The following MAP3K5 variants were observed in gnomAD, a reference collection of about 807,000 sequenced individuals.
MAP3K5 encodes ASK-1.
A neutral mutation model predicts 158.7 loss-of-function variants in MAP3K5; 56 were observed. The observed-to-expected ratio is 0.35, with a 90% CI of 0.28 to 0.44. The LOEUF (loss-of-function observed/expected upper bound fraction) is 0.44. MAP3K5 is among the 20% of genes least tolerant of loss of function. MAP3K5 has a pLI of 1.00. For missense variants in MAP3K5, 1,294 were observed against 1,674.8 expected (o/e 0.77, Z 3.97); for synonymous variants, 579 against 601.7 (o/e 0.96, Z 0.55).
rs780194686 is a variant in MAP3K5 at position 136,720,467 on chromosome 6, A to C, written c.571T>G (p.Ser191Ala). ...GGAGGTACCTTCAGTGACTGCAGAG[A>C]GTCCGAGTTAGTATCACAGTAGAGG... ...IILYCDTNSD[S>A]LQSLKEIICQ... Residue 191 changes from serine (S) to alanine (A), a missense_variant, in exon 2 of 30, where the codon TCT becomes GCT. By Grantham distance (99) the Ser-to-Ala change is moderately conservative. Transcript: ENST00000359015. 12 of 1,607,420 alleles carry C rather than the reference A, an allele frequency of 7.5e-6. No homozygotes were observed.
intron 7 of MAP3K5, among the ~76,000 whole-genome samples, chr6:136,679,473 C>T (rs1030318089): frequency 2.0e-5 from 3 of 151,990 alleles, no homozygotes; most frequent in Admixed American, 1.3e-4. Flanking sequence ...GAAATTAACA[C>T]TCATAAAATA....
At chr6:136,705,273 T>C (rs1207133144) in intron 2 of MAP3K5, 140 bp from the exon 3 acceptor site, 2 of 450,910 alleles carry the variant, frequency 4.4e-6, no homozygotes, top group Non-Finnish European at 7.9e-6. Flanking sequence ...ATTCAGTTCC[T>C]GCATCTGAAA....
chr6:136,689,211 G>A (rs901452573), intron 7 of MAP3K5, among the ~76,000 whole-genome samples: 1 of 152,182 alleles, frequency 6.6e-6, no homozygotes, highest in African/African-American at 2.4e-5. Flanking sequence ...GAGGCAGGAG[G>A]ACTGCCTGAG....
At chr6:136,644,890 C>G (rs563965741) in intron 11 of MAP3K5, among the ~76,000 whole-genome samples, 3 of 152,112 alleles carry the variant, frequency 2.0e-5, no homozygotes, top group Non-Finnish European at 4.4e-5. Flanking sequence ...ACCAAGAGTA[C>G]GCAGAGAAGC....
rs570144464 is a variant in MAP3K5 at position 136,588,240 on chromosome 6, C to T, written c.3225+3933G>A. On this transcript the variant is annotated intron_variant, in intron 23 of 29. Transcript: ENST00000359015. ...GTCACCATCGGGCCTACCAGCGAGG[C>T]AGAGCAATGTGGTGGTTAAAGCAAA... Among the ~76,000 whole-genome samples the T allele has an allele frequency of 4.6e-5, 7 of 152,284 alleles. No homozygotes were observed. In the South Asian group the frequency reaches 1.2e-3, roughly 27 times the overall value.
chr6:136,684,525 T>C (rs1780063666), intron 7 of MAP3K5, among the ~76,000 whole-genome samples: 2 of 152,154 alleles, frequency 1.3e-5, no homozygotes, highest in South Asian at 4.1e-4. Flanking sequence ...TAAGGCATGG[T>C]GATTTGTCCC....
intron 1 of MAP3K5, 51 bp from the exon 2 acceptor site, chr6:136,720,640 A>C: frequency 7.0e-7 from 1 of 1,428,618 alleles, no homozygotes; most frequent in Non-Finnish European, 9.5e-7. Flanking sequence ...AATAATGCCC[A>C]ATCAGCACAT....
intron 1 of MAP3K5, among the ~76,000 whole-genome samples, chr6:136,770,026 A>G (rs1396988405): frequency 2.0e-5 from 3 of 152,184 alleles, no homozygotes. Flanking sequence ...AGTGACTAAA[A>G]GACTGCTACT....
intron 1 of MAP3K5, among the ~76,000 whole-genome samples, chr6:136,789,143 T>C (rs918548144): frequency 5.3e-5 from 8 of 151,804 alleles, no homozygotes; most frequent in Admixed American, 3.9e-4. Flanking sequence ...AAAAAAAACA[T>C]AGTAAAATAA....
rs73554160 is a variant in MAP3K5, at chr6:136,557,053, G to T, written c.*705C>A. 5.9e-5 allele frequency: 9 copies of T among 152,196 alleles called. No homozygotes were observed. The highest frequency in any genetic ancestry group is 2.2e-4 in the African/African-American group (9 of 41,524). 9.4% of individuals were successfully genotyped at this position (152,196 alleles called of 1,614,324 possible). A position where few individuals can be genotyped will look rare whatever the true frequency, so the allele number is the denominator to read the frequency against. On this transcript the variant is annotated 3_prime_UTR_variant, in exon 30 of 30. Coordinates refer to ENST00000359015, the MANE Select transcript of MAP3K5 (RefSeq NM_005923.4). ...TTAGAATTTATCAAAACAGTATGTT[G>T]AGAGTCTCTTTAATTTTTAGAGTAA...
chr6:136,659,348 T>G lies in MAP3K5; in HGVS notation c.1397A>C (p.Lys466Thr). The G allele has an allele frequency of 1.2e-6, 2 of 1,614,048 alleles. No individual in the cohort carries two copies. Among genetic ancestry groups the G allele is most frequent in the Non-Finnish European group, 1.7e-6 (2 of 1,179,974 alleles). ...GVKLSSLLGK[K>T]GNLEKLQSYW... is the part of the protein sequence containing the mutation. ...GCTCTGGAGTTTTTCCAAGTTTCCC[T>G]TTTTACCAAGAAGACTACTTAGCTT... is the stretch of plus-strand genomic sequence containing the variant. Residue 466 changes from lysine to threonine, a missense_variant, in exon 9 of 30, where the codon AAG (lysine) becomes ACG (threonine). Transcript: ENST00000359015.
chr6:136,564,331 A>G (rs1773992921), intron 26 of MAP3K5, among the ~76,000 whole-genome samples: 1 of 152,220 alleles, frequency 6.6e-6, no homozygotes, highest in Admixed American at 6.5e-5. Context: ...AGTAAAACAC[A>G]ATAAGAGGTA....
chr6:136,562,389 A>C, intron 27 of MAP3K5, 114 bp downstream of exon 27: 1 of 501,666 alleles, frequency 2.0e-6, no homozygotes, highest in Non-Finnish European at 3.6e-6. Context: ...GCTTGCAGTC[A>C]TGGTAGAAGT....
At chr6:136,724,532 GC>G (rs1562647202) in intron 1 of MAP3K5, among the ~76,000 whole-genome samples, 2 of 152,086 alleles carry the variant, frequency 1.3e-5, no homozygotes, top group Non-Finnish European at 2.9e-5. Flanking sequence ...ACAAGCATGA[GC>G]CACTGTGCCC....
rs189445991 is a variant in MAP3K5, at chr6:136,675,921, C to T, written c.1254-6526G>A. On this transcript the variant is annotated intron_variant, in intron 7 of 29. Coordinates refer to ENST00000359015, the MANE Select transcript of MAP3K5 (RefSeq NM_005923.4). The stretch of plus-strand genomic sequence containing the variant: ...CGCTAAGCCCTCATAAACAAAAAGA[C>T]GGTCATCCGTACAGATGATAGAGCA... Among the ~76,000 whole-genome samples, 155 of 152,096 alleles carry T rather than the reference C, an allele frequency of 1.0e-3. 1 individual carries two copies. Among genetic ancestry groups the T allele is most frequent in the South Asian group, 3.1e-3 (15 of 4,820 alleles).
At chr6:136,617,107 G>A (rs1442017670) in intron 15 of MAP3K5, among the ~76,000 whole-genome samples, 1 of 152,110 alleles carries the variant, frequency 6.6e-6, no homozygotes, top group Non-Finnish European at 1.5e-5. Flanking sequence ...CCCTGGAGAA[G>A]CAATATCCTT....
chr6:136,598,056 C>T (rs1195519594), intron 21 of MAP3K5, among the ~76,000 whole-genome samples: 1 of 152,178 alleles, frequency 6.6e-6, no homozygotes, highest in Non-Finnish European at 1.5e-5. Flanking sequence ...TCCCCGGCTC[C>T]CCAACCCTCC....
intron 8 of MAP3K5, among the ~76,000 whole-genome samples, chr6:136,659,722 G>A (rs1415395755): frequency 6.6e-6 from 1 of 152,074 alleles, no homozygotes; most frequent in African/African-American, 2.4e-5. Flanking sequence ...GGGGGAAGAA[G>A]GGAATGAGGA....
upstream of MAP3K5, among the ~76,000 whole-genome samples, chr6:136,793,083 G>A (rs528254491): frequency 5.3e-5 from 8 of 152,338 alleles, no homozygotes; most frequent in South Asian, 1.7e-3. Context: ...GTCCCTCGAG[G>A]CAATACTCGG....
Sources: allele counts gnomAD v4.1 joint callset (sites outside exome capture counted in the v4.1 genomes callset), GRCh38; gene constraint gnomAD v4.1.1; transcripts MANE v1.5; gene names NCBI Gene and HGNC (gene_info 2026-07-23, HGNC 2026-07-21).